Variants in SPINT1 observed in about 807,000 individuals in gnomAD.
SPINT1 encodes serine peptidase inhibitor, Kunitz type 1.
Under a neutral mutation model 53.7 loss-of-function variants are expected in SPINT1, and 38 were observed. That is an observed-to-expected ratio of 0.71 (90% confidence interval 0.55 to 0.93). SPINT1 has a LOEUF of 0.93. SPINT1 is among the 40% of genes least tolerant of loss of function. The pLI, the probability that SPINT1 is intolerant of heterozygous loss-of-function variation, is 0.00. For synonymous variants in SPINT1, 283 were observed against 280.6 expected (o/e 1.01, Z -0.08); for missense variants, 645 against 692.9 (o/e 0.93, Z 0.78).
In SPINT1 at chr15:40,854,492, G is replaced by A. The variant is rs553814273; in HGVS notation, c.1036G>A (p.Asp346Asn). 119 of 1,613,328 alleles carry A rather than the reference G, an allele frequency of 7.4e-5. 2 individuals carry two copies. The South Asian group carries it at 1.0e-3, about 14-fold the overall frequency. Residue 346 changes from aspartate (D) to asparagine (N), a missense_variant, in exon 7 of 11, where the codon GAC becomes AAC. By Grantham distance (23) the Asp-to-Asn change is conservative. Transcript: ENST00000562057. ...LECDDTPNCP[D>N]ASDEAACEKY... ...GTGTGACGACACCCCCAACTGCCCC[G>A]ACGCCTCCGACGAGGCTGCCTGTGA...
At chr15:40,851,223 G>A (rs1350124022) in intron 2 of SPINT1, among the ~76,000 whole-genome samples, 5 of 150,612 alleles carry the variant, frequency 3.3e-5, no homozygotes, top group South Asian at 2.1e-4. Context: ...GCACGATCTC[G>A]GCTCACTGCA....
rs1204615616 is a variant in SPINT1 at position 40,844,804 on chromosome 15, G to A, written c.250G>A (p.Gly84Ser). 1 of 1,613,470 alleles carries A rather than the reference G, an allele frequency of 6.2e-7. No individual in the cohort carries two copies. Among genetic ancestry groups the A allele is most frequent in the Non-Finnish European group, 8.5e-7 (1 of 1,179,816 alleles). ...CCTGGAGTCCCCCACCGTGCGCCGG[G>A]GCTGGGACTGCGTGCGCGCCTGCTG... ...TFLESPTVRR[G>S]WDCVRACCTT... Residue 84 changes from glycine (G) to serine (S), a missense_variant, in exon 2 of 11, where the codon GGC becomes AGC. Coordinates refer to ENST00000562057, the MANE Select transcript of SPINT1 (RefSeq NM_003710.4). The surrounding 1 kb of genome is among the most constrained non-coding windows in gnomAD (Gnocchi z 5.8).
chr15:40,853,376 T>C, intron 3 of SPINT1, 113 bp from the exon 4 acceptor site: 1 of 1,600,546 alleles, frequency 6.2e-7, no homozygotes, highest in Admixed American at 1.7e-5. Flanking sequence ...GAAGATGCAT[T>C]TAATCCAACT....
chr15:40,853,603 G>A lies in SPINT1; in HGVS notation c.718G>A (p.Val240Met), dbSNP rs774388624. 15 of 1,613,990 alleles carry A rather than the reference G, an allele frequency of 9.3e-6. No homozygotes were observed. The highest frequency in any genetic ancestry group is 1.2e-5 in the Non-Finnish European group (14 of 1,179,926). The part of the protein sequence containing the change: ...PEDTANVTVT[V>M]LSTKQTEDYC... ...GGACACGGCCAACGTCACAGTCACTGTGCTGTCCACCAAGCAGACAGAAGG... is the reference window on the plus strand; with the variant it reads ...GGACACGGCCAACGTCACAGTCACTATGCTGTCCACCAAGCAGACAGAAGG... The change falls in exon 4 of 11, where the codon GTG becomes ATG. Residue 240 changes from valine (V) to methionine (M), a missense_variant. Val to Met is a conservative substitution (Grantham distance 21). Transcript: ENST00000562057.
chr15:40,846,654 G>C (rs1368000126), intron 2 of SPINT1, among the ~76,000 whole-genome samples: 2 of 152,172 alleles, frequency 1.3e-5, no homozygotes, highest in African/African-American at 4.8e-5. Flanking sequence ...GGGAGTTTGG[G>C]GGCCAGAACT....
At position 40,856,049 on chromosome 15, in the gene SPINT1, T is replaced by A; in HGVS notation, c.1275T>A (p.Cys425Ter). Reference protein sequence around the residue: ...FEEEQQCLESCRGISKKDVFG... With the variant: ...FEEEQQCLES ...AAGAGCAGCAGTGCCTCGAGTCTTG[T>A]CGCGGCATCTCCAGTGAGTGGGCCA... Residue 425 changes from cysteine to a stop codon, truncating the protein, a stop_gained, in exon 9 of 11, where the codon TGT (cysteine) becomes TGA (stop). Transcript: ENST00000562057. LOFTEE classifies it high-confidence loss of function. 1 of 1,614,072 alleles carries A rather than the reference T, an allele frequency of 6.2e-7. No individual in the cohort carries two copies. Among genetic ancestry groups the A allele is most frequent in the South Asian group, 1.1e-5 (1 of 91,080 alleles).
In SPINT1 at chr15:40,851,218, A is replaced by G. The variant is rs575645344; in HGVS notation, c.476-1906A>G. On this transcript the variant is annotated intron_variant, in intron 2 of 10. Transcript: ENST00000562057. ...TGCCAGGCTGGAGTGCAGTGGCACG[A>G]TCTCGGCTCACTGCACCCTCCGCCT... 3.3e-5 allele frequency among the ~76,000 whole-genome samples: 5 copies of G among 149,638 alleles called. No homozygotes were observed. The South Asian group carries it at 1.0e-3, about 31-fold the overall frequency.
Position 40,853,618 on chromosome 15 carries a change from C to A in SPINT1, c.733C>A (p.Gln245Lys), listed in dbSNP as rs149720019. The A allele has an allele frequency of 8.7e-5, 140 of 1,614,010 alleles. No individual in the cohort carries two copies. In the African/African-American group the frequency reaches 1.3e-3, roughly 15 times the overall value. The change falls in exon 4 of 11, where the codon CAG (glutamine) becomes AAG (lysine). Residue 245 changes from glutamine to lysine, a missense_variant. By Grantham distance (53) the Gln-to-Lys change is moderately conservative (BLOSUM62 1). Coordinates refer to ENST00000562057, the MANE Select transcript of SPINT1 (RefSeq NM_003710.4). ...NVTVTVLSTK[Q>K]TEDYCLASNK... ...CACAGTCACTGTGCTGTCCACCAAG[C>A]AGACAGAAGGTGAGGGAGGGGTGAG...
At chr15:40,855,756 G>C in intron 8 of SPINT1, 136 bp from the exon 9 acceptor site, 1 of 849,430 alleles carries the variant, frequency 1.2e-6, no homozygotes, top group Non-Finnish European at 1.8e-6. Flanking sequence ...AGCTGGGCCA[G>C]GTGTTTTGGG....
At position 40,844,921 on chromosome 15, in the gene SPINT1, T is replaced by C. The variant is rs759786834; in HGVS notation, c.367T>C (p.Tyr123His). Residue 123 changes from tyrosine (Y) to histidine (H), a missense_variant, in exon 2 of 11, where the codon TAC (tyrosine) becomes CAC (histidine). Coordinates refer to ENST00000562057, the MANE Select transcript of SPINT1 (RefSeq NM_003710.4). This position sits in a 1 kb window ranked among gnomAD's most constrained non-coding sequence, Gnocchi z 5.8. ...IAACFLINCL[Y>H]EQNFVCKFAP... ...CGCCTGCTTCCTCATCAACTGCCTC[T>C]ACGAGCAGAACTTCGTGTGCAAGTT... 1 of 1,614,006 alleles carries C rather than the reference T, an allele frequency of 6.2e-7. No homozygotes were observed. Among genetic ancestry groups the C allele is most frequent in the Non-Finnish European group, 8.5e-7 (1 of 1,180,036 alleles).
intron 3 of SPINT1, 46 bp from the exon 4 acceptor site, chr15:40,853,443 A>G (rs754728459): frequency 5.0e-6 from 8 of 1,613,734 alleles, no homozygotes; most frequent in East Asian, 2.2e-5. Context: ...GGGCAGCCCA[A>G]GGGCATCAGG....
chr15:40,853,076 G>A (rs1199792920), intron 2 of SPINT1, 48 bp from the exon 3 acceptor site: 1 of 1,591,002 alleles, frequency 6.3e-7, no homozygotes, highest in Non-Finnish European at 8.6e-7. Flanking sequence ...AGAGAAGCCT[G>A]GTCCATCTAG....
At chr15:40,854,151 C>T in intron 6 of SPINT1, 65 bp downstream of exon 6, 1 of 1,491,462 alleles carries the variant, frequency 6.7e-7, no homozygotes, top group South Asian at 1.3e-5. Flanking sequence ...CATCCCTATG[C>T]CCCTAAGCAG....
At position 40,854,194 on chromosome 15, in the gene SPINT1, A is replaced by G; in HGVS notation, c.940+108A>G. On this transcript the variant is annotated intron_variant, in intron 6 of 10. Transcript: ENST00000562057. ...TTGACCAAGCCATTCCTCCCCTCAG[A>G]GTTTGTGGAAGGACCACAAACATCC... 2.2e-6 allele frequency: 3 copies of G among 1,390,352 alleles called. No homozygotes were observed. The East Asian group carries it at 6.9e-5, about 32-fold the overall frequency. The allele number at this position is 1,390,352 out of a possible 1,614,324, so 86.1% of individuals were successfully genotyped here.
chr15:40,844,726 G>T lies in SPINT1; in HGVS notation c.172G>T (p.Val58Leu), dbSNP rs1292288766. Residue 58 changes from valine (V) to leucine (L), a missense_variant, in exon 2 of 11, where the codon GTG (valine) becomes TTG (leucine). Physicochemically the swap from Val to Leu is conservative, Grantham distance 32. Transcript: ENST00000562057. This position sits in a 1 kb window ranked among gnomAD's most constrained non-coding sequence, Gnocchi z 5.8. The part of the protein sequence containing the change: ...ADCLNSFTAG[V>L]PGFVLDTNAS... ...CTGCCTGAACAGCTTTACCGCCGGG[G>T]TGCCTGGCTTCGTGCTGGACACCAA... 2 of 1,609,264 alleles carry T rather than the reference G, an allele frequency of 1.2e-6. No individual in the cohort carries two copies. Among genetic ancestry groups the T allele is most frequent in the Admixed American group, 3.4e-5 (2 of 59,684 alleles).
intron 2 of SPINT1, among the ~76,000 whole-genome samples, chr15:40,848,530 A>G (rs1057457646): frequency 6.6e-6 from 1 of 152,228 alleles, no homozygotes; most frequent in African/African-American, 2.4e-5. Flanking sequence ...AACACATCCT[A>G]TAATTGAATA....
chr15:40,853,341 G>A lies in SPINT1; in HGVS notation c.603+90G>A, dbSNP rs533945820. 320 of 1,603,554 alleles carry A rather than the reference G, an allele frequency of 2.0e-4. 1 individual carries two copies. In the East Asian group the frequency reaches 4.6e-3, roughly 23 times the overall value. On this transcript the variant is annotated intron_variant, in intron 3 of 10. Transcript: ENST00000562057. ...GGGCCCTAGGCCAACCAATGGCCCCGGATGGGATGGGGTGGAGAGAGGCTG... is the reference window on the plus strand; with the variant it reads ...GGGCCCTAGGCCAACCAATGGCCCCAGATGGGATGGGGTGGAGAGAGGCTG...
chr15:40,845,051 A>T (rs765609743), intron 2 of SPINT1, 22 bp downstream of exon 2: 1 of 1,579,822 alleles, frequency 6.3e-7, no homozygotes, highest in Non-Finnish European at 8.6e-7. Flanking sequence ...GCCAAGATGG[A>T]TGGGTTTGGA....
Position 40,854,686 on chromosome 15 carries a change from A to G in SPINT1, c.1114A>G (p.Lys372Glu). The G allele has an allele frequency of 6.2e-7, 1 of 1,614,086 alleles. No homozygotes were observed. Among genetic ancestry groups the G allele is most frequent in the Non-Finnish European group, 8.5e-7 (1 of 1,180,018 alleles). ...ELQRIHFPSD[K>E]GHCVDLPDTG... is the part of the protein sequence containing the mutation. ...CCAGCGCATCCATTTCCCCAGTGACAAAGGTGAGATCCTCCCCAGGTGCCC... is the reference window on the plus strand; with the variant it reads ...CCAGCGCATCCATTTCCCCAGTGACGAAGGTGAGATCCTCCCCAGGTGCCC... The change falls in exon 8 of 11, where the codon AAA becomes GAA. Residue 372 changes from lysine to glutamate, a missense_variant. Lys to Glu is a moderately conservative substitution (Grantham distance 56). Transcript: ENST00000562057.
Sources: gnomAD v4.1 joint callset for allele counts (sites outside exome capture counted in the v4.1 genomes callset) on GRCh38, gnomAD v4.1.1 for gene constraint, Gnocchi (gnomAD v3.1) non-coding constraint, MANE v1.5 for transcripts, NCBI Gene and HGNC (gene_info 2026-07-23, HGNC 2026-07-21) for gene names.